The following SH3KBP1 variants were observed in gnomAD, a reference collection of about 807,000 sequenced individuals.
SH3KBP1 encodes the protein SH3 domain-containing kinase-binding protein 1.
In SH3KBP1, 8 loss-of-function variants were observed where a neutral mutation model predicts 50.1. The observed-to-expected ratio is 0.16, with a 90% CI of 0.09 to 0.29. The LOEUF (loss-of-function observed/expected upper bound fraction) is 0.29, where lower values mean the gene tolerates loss of function less well. Among genes scored for constraint, SH3KBP1 ranks in the 10% least tolerant of loss-of-function variants. SH3KBP1 has a pLI of 1.00. For missense variants in SH3KBP1, 377 were observed against 535.2 expected, an observed-to-expected ratio of 0.70 and a Z score of 2.92; for synonymous variants, 227 against 218.6, an observed-to-expected ratio of 1.04 and a Z score of -0.34.
At chrX:19,874,656 G>A (rs2147554961) in intron 1 of SH3KBP1, among the ~76,000 whole-genome samples, 1 of 103,534 alleles carries the variant, frequency 9.7e-6, no homozygotes, top group East Asian at 3.1e-4. Context: ...GAAGAAAGGG[G>A]CAAAACACAG....
Position 19,537,713 on chromosome X carries a change from G to A in SH3KBP1, c.1956+4C>T, listed in dbSNP as rs2064761004. ...CACGGGCAGCAGAACCCAAAGGGAC[G>A]CACCTGCAACCGAAGCCGGATTTTC... On this transcript the variant is annotated splice_donor_region_variant and intron_variant, in intron 17 of 17. Coordinates refer to ENST00000397821, the MANE Select transcript of SH3KBP1 (RefSeq NM_031892.3). 1 of 1,208,522 alleles carries A rather than the reference G, an allele frequency of 8.3e-7. No individual in the cohort carries two copies. The highest frequency in any genetic ancestry group is 1.1e-6 in the Non-Finnish European group (1 of 892,616).
Position 19,535,003 on chromosome X carries a change from C to T in SH3KBP1, c.*1414G>A, listed in dbSNP as rs1190315199. ...TGTTTAGTAGTTTCACTATTAAACT[C>T]AGGAAAGAGACAAAGCAGCTTTTGA... On this transcript the variant is annotated 3_prime_UTR_variant, in exon 18 of 18. Transcript: ENST00000397821. 1 of 297,374 alleles carries T rather than the reference C, an allele frequency of 3.4e-6. No homozygotes were observed. Among genetic ancestry groups the T allele is most frequent in the Non-Finnish European group, 5.9e-6 (1 of 170,342 alleles). 24.5% of individuals were successfully genotyped at this position (297,374 alleles called of 1,213,427 possible).
rs764070758 is a variant in SH3KBP1 at position 19,826,685 on chromosome X, A to AATAACGTAACATAAC, written c.162+9439_162+9440insGTTATGTTACGTTAT. ...GCTATGGAAGGAGACACTGTCTCTAAATAACATAACATAACATAACATAAC... is the reference window on the plus strand; with the variant it reads ...GCTATGGAAGGAGACACTGTCTCTAAATAACGTAACATAACATAACATAACATAACATAACATAAC... On this transcript the variant is annotated intron_variant, in intron 2 of 17. Coordinates refer to ENST00000397821, the MANE Select transcript of SH3KBP1 (RefSeq NM_031892.3). Among the ~76,000 whole-genome samples the AATAACGTAACATAAC allele has an allele frequency of 3.3e-5, 3 of 89,677 alleles. No homozygotes were observed. In the East Asian group the frequency reaches 1.1e-3, roughly 32 times the overall value. 77.9% of individuals were successfully genotyped at this position (89,677 alleles called of 115,157 possible).
At chrX:19,615,772 C>T (rs1177839334) in intron 8 of SH3KBP1, among the ~76,000 whole-genome samples, 1 of 111,987 alleles carries the variant, frequency 8.9e-6, no homozygotes, top group Non-Finnish European at 1.9e-5. Flanking sequence ...ACACTGACTA[C>T]TATTCAGTGT....
intron 3 of SH3KBP1, among the ~76,000 whole-genome samples, chrX:19,728,762 G>A (rs1478571889): frequency 9.0e-6 from 1 of 111,666 alleles, no homozygotes; most frequent in Non-Finnish European, 1.9e-5. Context: ...ATAACCAAAT[G>A]AGGGCTCACA....
At chrX:19,721,553 A>G (rs1339632074) in intron 3 of SH3KBP1, among the ~76,000 whole-genome samples, 1 of 112,046 alleles carries the variant, frequency 8.9e-6, no homozygotes, top group Non-Finnish European at 1.9e-5. Flanking sequence ...AACTATTTTA[A>G]CATAATTGGT....
intron 3 of SH3KBP1, among the ~76,000 whole-genome samples, chrX:19,725,469 TC>T (rs1340467960): frequency 9.1e-6 from 1 of 109,537 alleles, no homozygotes; most frequent in Admixed American, 9.7e-5. Flanking sequence ...AGACCCTGTC[TC>T]AAAAAAATAA....
intron 13 of SH3KBP1, among the ~76,000 whole-genome samples, chrX:19,555,989 T>C (rs1269974799): frequency 8.9e-6 from 1 of 112,255 alleles, no homozygotes; most frequent in African/African-American, 3.2e-5. Context: ...GAAGAAGCTA[T>C]GGCTTTTCTC....
intron 2 of SH3KBP1, among the ~76,000 whole-genome samples, chrX:19,810,489 G>C (rs1246751912): frequency 8.9e-6 from 1 of 111,918 alleles, no homozygotes; most frequent in Non-Finnish European, 1.9e-5. Context: ...TGCAATCAGG[G>C]TGATCACTCA....
chrX:19,852,574 C>T (rs2068536441), intron 1 of SH3KBP1, among the ~76,000 whole-genome samples: 1 of 101,506 alleles, frequency 9.9e-6, no homozygotes, highest in Non-Finnish European at 2.0e-5. Flanking sequence ...TGTTCCTGCT[C>T]ATATTTTTTT....
intron 2 of SH3KBP1, among the ~76,000 whole-genome samples, chrX:19,794,063 C>G (rs1285768210): frequency 9.1e-6 from 1 of 110,004 alleles, no homozygotes; most frequent in Non-Finnish European, 1.9e-5. Context: ...TACACCAGAA[C>G]GGTCCCCAGG....
intron 8 of SH3KBP1, among the ~76,000 whole-genome samples, chrX:19,629,721 G>A (rs766668576): frequency 8.9e-6 from 1 of 112,241 alleles, no homozygotes; most frequent in Non-Finnish European, 1.9e-5. Flanking sequence ...TGAGGAGTTG[G>A]ATCAATGTGA....
At chrX:19,571,237 T>C (rs1018540004) in intron 12 of SH3KBP1, among the ~76,000 whole-genome samples, 2 of 111,933 alleles carry the variant, frequency 1.8e-5, no homozygotes, top group South Asian at 3.7e-4. Context: ...TAGGCTGAAA[T>C]AGAAGTTCAG....
chrX:19,677,447 C>G (rs2062955910), intron 6 of SH3KBP1, among the ~76,000 whole-genome samples: 1 of 111,446 alleles, frequency 9.0e-6, no homozygotes, highest in African/African-American at 3.3e-5. Flanking sequence ...AGTCTTCCAG[C>G]CCAATCTCTA....
In SH3KBP1 at chrX:19,776,545, T is replaced by G. The variant is rs1382447581; in HGVS notation, c.163-30104A>C. On this transcript the variant is annotated intron_variant, in intron 2 of 17. Transcript: ENST00000397821. ...CTTGACAACCTGGTTTTTTTTTTTT[T>G]TTTTTTTTTTTTTTTAGAGAGAGAC... 4.7e-5 allele frequency among the ~76,000 whole-genome samples: 4 copies of G among 84,657 alleles called. 1 individual carries two copies. The East Asian group carries it at 1.5e-3, about 31-fold the overall frequency. 73.5% of individuals were successfully genotyped at this position (84,657 alleles called of 115,157 possible). A position where few individuals can be genotyped will look rare whatever the true frequency, so the allele number is the denominator to read the frequency against.
chrX:19,588,765 C>A lies in SH3KBP1; in HGVS notation c.1176G>T (p.Lys392Asn), dbSNP rs2066649883. 1.7e-6 allele frequency: 2 copies of A among 1,177,813 alleles called. No individual in the cohort carries two copies. The highest frequency in any genetic ancestry group is 3.6e-5 in the African/African-American group (2 of 56,171). The change falls in exon 12 of 18, where the codon AAG becomes AAT. Residue 392 changes from lysine to asparagine, a missense_variant. Physicochemically the swap from Lys to Asn is moderately conservative, Grantham distance 94. Coordinates refer to ENST00000397821, the MANE Select transcript of SH3KBP1 (RefSeq NM_031892.3). ...PEREPKLDLQ[K>N]PSVPAIPPKK... Reference sequence around the variant, plus strand: ...TTGGCGGTATGGCAGGAACGGAGGGCTTCTGTAAATCCAGTTTTGGCTCTC... The same window carrying A: ...TTGGCGGTATGGCAGGAACGGAGGGATTCTGTAAATCCAGTTTTGGCTCTC...
chrX:19,691,356 C>CTCTCTCTCTATA (rs1556252171), intron 5 of SH3KBP1, among the ~76,000 whole-genome samples: 1 of 73,595 alleles, frequency 1.4e-5, no homozygotes, highest in Non-Finnish European at 2.5e-5. Flanking sequence ...CTCTCTCTCT[C>CTCTCTCTCTATA]TATATATATA....
intron 2 of SH3KBP1, among the ~76,000 whole-genome samples, chrX:19,760,153 C>G (rs758907210): frequency 1.9e-5 from 2 of 105,537 alleles, no homozygotes; most frequent in African/African-American, 7.0e-5. Flanking sequence ...TTTGGGAGGC[C>G]GAGGCAGGTG....
At chrX:19,567,683 C>T (rs2065893218) in intron 13 of SH3KBP1, among the ~76,000 whole-genome samples, 1 of 104,354 alleles carries the variant, frequency 9.6e-6, no homozygotes, top group African/African-American at 3.6e-5. Flanking sequence ...TACTATAGTT[C>T]TGTAAGATGT....
Sources: allele counts gnomAD v4.1 joint callset (sites outside exome capture counted in the v4.1 genomes callset), GRCh38; gene constraint gnomAD v4.1.1; transcripts MANE v1.5; gene names NCBI Gene and HGNC (gene_info 2026-07-23, HGNC 2026-07-21).